The following OTUD6B variants were observed in gnomAD, a reference collection of about 807,000 sequenced individuals.
OTUD6B encodes OTU deubiquitinase 6B.
OTUD6B carries 41 observed loss-of-function variants against 36.9 expected under a neutral mutation model. That is an observed-to-expected ratio of 1.11 (90% CI 0.87 to 1.44). OTUD6B has a LOEUF of 1.44. Ranked by LOEUF, OTUD6B falls within the 40% of genes most tolerant of loss-of-function variation. The probability of loss-of-function intolerance (pLI) is 0.00; values close to 1 mark genes in which losing one functional copy is unlikely to be tolerated. For missense variants in OTUD6B, 356 were observed against 344.8 expected, an observed-to-expected ratio of 1.03 and a Z score of -0.26; for synonymous variants, 114 against 114.2, an observed-to-expected ratio of 1.00 and a Z score of 0.01.
At chr8:91,076,511 T>TA in intron 3 of OTUD6B, 2 of 1,518,144 alleles carry the variant, frequency 1.3e-6, no homozygotes, top group South Asian at 2.4e-5. Context: ...GCAGATAAGA[T>TA]AAAGTGCCAC....
At chr8:91,082,508 C>T (rs1385297387) in intron 5 of OTUD6B, among the ~76,000 whole-genome samples, 1 of 151,918 alleles carries the variant, frequency 6.6e-6, no homozygotes, top group Non-Finnish European at 1.5e-5. Context: ...TGAGTAGCTG[C>T]ACCACCATGC....
intron 4 of OTUD6B, among the ~76,000 whole-genome samples, chr8:91,080,083 C>T (rs866890369): frequency 6.6e-6 from 1 of 152,160 alleles, no homozygotes; most frequent in Middle Eastern, 3.4e-3. Context: ...TCTTTTATTT[C>T]TCAGGGCTGA....
chr8:91,071,121 T>C lies in OTUD6B; in HGVS notation c.83-17T>C, dbSNP rs1563579095. ...TACTCCTGCGTGTCTGACTTAATGA[T>C]TTTAATGGCTTTTCAGCCAAAATTC... On this transcript the variant is annotated splice_polypyrimidine_tract_variant and intron_variant, in intron 1 of 6. Coordinates refer to ENST00000404789, the MANE Select transcript of OTUD6B (RefSeq NM_016023.5). The C allele has an allele frequency of 6.2e-7, 1 of 1,611,650 alleles. No homozygotes were observed. The highest frequency in any genetic ancestry group is 8.5e-7 in the Non-Finnish European group (1 of 1,179,206).
chr8:91,081,673 C>T (rs1370662918), intron 5 of OTUD6B, among the ~76,000 whole-genome samples: 1 of 152,086 alleles, frequency 6.6e-6, no homozygotes, highest in Non-Finnish European at 1.5e-5. Flanking sequence ...CTAGGCAGTA[C>T]GATTAGTAAT....
At position 91,084,934 on chromosome 8, in the gene OTUD6B, T is replaced by TG; in HGVS notation, c.*69dup. The TG allele has an allele frequency of 1.3e-6, 1 of 769,626 alleles. No homozygotes were observed. The highest frequency in any genetic ancestry group is 2.0e-6 in the Non-Finnish European group (1 of 499,800). 47.7% of individuals were successfully genotyped at this position (769,626 alleles called of 1,614,324 possible). A position where few individuals can be genotyped will look rare whatever the true frequency, so the allele number is the denominator to read the frequency against. On this transcript the variant is annotated 3_prime_UTR_variant, in exon 7 of 7. Transcript: ENST00000404789. ...TGAACTGAGTATTTCTACCAAGTGT[T>TG]GGGTTGTTCTAAATGCTACTGAAAA...
intron 1 of OTUD6B, 148 bp downstream of exon 1, chr8:91,070,614 A>G: frequency 1.4e-6 from 1 of 733,568 alleles, no homozygotes; most frequent in Non-Finnish European, 2.2e-6. Context: ...CTCTTCACCT[A>G]CCCCGGCGGC....
intron 3 of OTUD6B, among the ~76,000 whole-genome samples, chr8:91,075,574 A>G (rs1027762915): frequency 6.6e-6 from 1 of 152,088 alleles, no homozygotes; most frequent in Admixed American, 6.6e-5. Context: ...GATACTGCAC[A>G]ACTGGAATTA....
At chr8:91,073,974 C>A in intron 3 of OTUD6B, 63 bp downstream of exon 3, 3 of 1,087,358 alleles carry the variant, frequency 2.8e-6, no homozygotes, top group Non-Finnish European at 4.0e-6. Context: ...ATCTTAGGTA[C>A]TATCTTAGGT....
chr8:91,073,723 C>T, intron 2 of OTUD6B, 108 bp from the exon 3 acceptor site: 1 of 1,348,020 alleles, frequency 7.4e-7, no homozygotes, highest in Non-Finnish European at 9.8e-7. Context: ...TTATCTAATA[C>T]AGTGTCTATT....
intron 4 of OTUD6B, 49 bp from the exon 5 acceptor site, chr8:91,080,620 A>C (rs1444781894): frequency 6.5e-7 from 1 of 1,543,894 alleles, no homozygotes; most frequent in African/African-American, 1.4e-5. Flanking sequence ...ATTTTGTAAC[A>C]TGAGTTACAA....
intron 4 of OTUD6B, among the ~76,000 whole-genome samples, chr8:91,079,949 T>A (rs1344074043): frequency 6.6e-6 from 1 of 152,160 alleles, no homozygotes; most frequent in Non-Finnish European, 1.5e-5. Context: ...GACATATTTT[T>A]CTTCTAGATG....
At chr8:91,074,466 A>G (rs1007651272) in intron 3 of OTUD6B, among the ~76,000 whole-genome samples, 2 of 152,124 alleles carry the variant, frequency 1.3e-5, no homozygotes, top group Non-Finnish European at 2.9e-5. Flanking sequence ...AAAGTTCATT[A>G]TGCTAATAAT....
Position 91,078,527 on chromosome 8 carries a change from A to G in OTUD6B, c.487A>G (p.Ile163Val), listed in dbSNP as rs755761135. Residue 163 changes from isoleucine to valine, a missense_variant, in exon 4 of 7, where the codon ATT (isoleucine) becomes GTT (valine). Ile to Val is a conservative substitution (Grantham distance 29). Transcript: ENST00000404789. Reference protein sequence around the residue: ...PSDGHCMYKAIEDQLKEKDCA... With the variant: ...PSDGHCMYKAVEDQLKEKDCA... ...TGATGGCCACTGTATGTATAAAGCCATTGAAGATCAACTGAAAGAAAAGGA... is the reference window on the plus strand; with the variant it reads ...TGATGGCCACTGTATGTATAAAGCCGTTGAAGATCAACTGAAAGAAAAGGA... The G allele has an allele frequency of 1.9e-6, 3 of 1,609,948 alleles. No individual in the cohort carries two copies. The highest frequency in any genetic ancestry group is 2.5e-6 in the Non-Finnish European group (3 of 1,178,048).
chr8:91,071,981 A>G (rs1269621766), intron 2 of OTUD6B, among the ~76,000 whole-genome samples: 2 of 152,202 alleles, frequency 1.3e-5, no homozygotes, highest in Non-Finnish European at 2.9e-5. Flanking sequence ...CACTCTAAGC[A>G]CAGGTTTTTG....
intron 4 of OTUD6B, chr8:91,078,972 A>G (rs778321412): frequency 2.2e-4 from 45 of 200,976 alleles, no homozygotes; most frequent in Non-Finnish European, 3.7e-4. Flanking sequence ...AAAGTGAAGT[A>G]TTGAGGAAGG....
intron 1 of OTUD6B, 49 bp from the exon 2 acceptor site, chr8:91,071,089 C>T (rs1812686214): frequency 7.5e-6 from 12 of 1,592,142 alleles, no homozygotes; most frequent in Non-Finnish European, 8.5e-6. Flanking sequence ...TGTTTCTCAT[C>T]TCCTTTTACT....
chr8:91,085,413 A>C lies in OTUD6B; in HGVS notation c.*545A>C, dbSNP rs577561771. On this transcript the variant is annotated 3_prime_UTR_variant, in exon 7 of 7. Transcript: ENST00000404789. ...TAATATATATAGCCTTATCAAAGCA[A>C]GCTAAGAAGCTTGCTTTAATAATTA... 6.6e-6 allele frequency: 1 copy of C among 152,076 alleles called. No homozygotes were observed. The highest frequency in any genetic ancestry group is 2.1e-4 in the South Asian group (1 of 4,828). 9.4% of individuals were successfully genotyped at this position (152,076 alleles called of 1,614,324 possible). A position where few individuals can be genotyped will look rare whatever the true frequency, so the allele number is the denominator to read the frequency against.
chr8:91,071,185 A>G lies in OTUD6B; in HGVS notation c.130A>G (p.Arg44Gly). 2 of 1,613,750 alleles carry G rather than the reference A, an allele frequency of 1.2e-6. No individual in the cohort carries two copies. Among genetic ancestry groups the G allele is most frequent in the South Asian group, 2.2e-5 (2 of 91,056 alleles). ...TGCTGTTCCCAAGAATGACAAGAAG[A>G]GGAGGAAGCAACTCACCGAAGATGT... Reference protein sequence around the residue: ...KNAVPKNDKKRRKQLTEDVAK... With the variant: ...KNAVPKNDKKGRKQLTEDVAK... Residue 44 changes from arginine (R) to glycine (G), a missense_variant, in exon 2 of 7, where the codon AGG becomes GGG. Coordinates refer to ENST00000404789, the MANE Select transcript of OTUD6B (RefSeq NM_016023.5).
intron 6 of OTUD6B, 75 bp downstream of exon 6, chr8:91,084,189 T>C (rs773718931): frequency 1.2e-6 from 1 of 862,634 alleles, no homozygotes; most frequent in Non-Finnish European, 1.8e-6. Flanking sequence ...ATTTAGATTA[T>C]ATGTGTTAAA....
Sources: allele counts gnomAD v4.1 joint callset (sites outside exome capture counted in the v4.1 genomes callset), GRCh38; gene constraint gnomAD v4.1.1; transcripts MANE v1.5; gene names NCBI Gene and HGNC (gene_info 2026-07-23, HGNC 2026-07-21).